Variants in GCAT observed in about 807,000 individuals in gnomAD.
GCAT encodes the protein glycine C-acetyltransferase, also known as 2-amino-3-ketobutyrate coenzyme A ligase, mitochondrial.
In GCAT, 26 loss-of-function variants were observed where a neutral mutation model predicts 39.7. That is an observed-to-expected ratio of 0.65 (90% CI 0.48 to 0.91). The LOEUF is 0.91. GCAT is among the 40% of genes least tolerant of loss of function. The pLI is 0.00. For synonymous variants in GCAT, 218 were observed against 237.2 expected (o/e 0.92, Z 0.74); for missense variants, 550 against 576.2 (o/e 0.95, Z 0.47).
intron 1 of GCAT, among the ~76,000 whole-genome samples, chr22:37,809,377 TC>T (rs771821594): frequency 8.5e-5 from 13 of 152,166 alleles, no homozygotes; most frequent in Non-Finnish European, 1.9e-4. Flanking sequence ...ACTGTGGAGT[TC>T]CAGGACTGCA....
intron 2 of GCAT, 99 bp from the exon 3 acceptor site, chr22:37,812,788 T>G: frequency 1.3e-6 from 1 of 789,850 alleles, no homozygotes; most frequent in Non-Finnish European, 2.2e-6. Context: ...CTGCAGGCTT[T>G]CTGGGTTGGG....
In GCAT at chr22:37,808,134, C is replaced by T. The variant is rs1488572290; in HGVS notation, c.167C>T (p.Pro56Leu). Residue 56 changes from proline (P) to leucine (L), a missense_variant, in exon 1 of 9, where the codon CCG (proline) becomes CTG (leucine). Pro to Leu is a moderately conservative substitution (Grantham distance 98). Coordinates refer to ENST00000248924, the MANE Select transcript of GCAT (RefSeq NM_014291.4). ...SERVITSRQG[P>L]HIRVDGVSGG... is the part of the protein sequence containing the mutation. ...CGGGTCATCACGTCCCGTCAGGGGCCGCACATCCGCGTGGACGGCGTCTCC... is the reference window on the plus strand; with the variant it reads ...CGGGTCATCACGTCCCGTCAGGGGCTGCACATCCGCGTGGACGGCGTCTCC... The T allele has an allele frequency of 3.3e-6, 5 of 1,534,398 alleles. No individual in the cohort carries two copies. The highest frequency in any genetic ancestry group is 5.3e-5 in the East Asian group (2 of 37,770).
chr22:37,808,612 G>C (rs1921233808), intron 1 of GCAT, among the ~76,000 whole-genome samples: 1 of 152,216 alleles, frequency 6.6e-6, no homozygotes, highest in African/African-American at 2.4e-5. Flanking sequence ...CTCATAGCAA[G>C]CAAGGGGTCC....
downstream of GCAT, chr22:37,816,909 G>T (rs1033322869): frequency 5.0e-6 from 3 of 603,784 alleles, no homozygotes; most frequent in Non-Finnish European, 8.7e-6. Flanking sequence ...ACTCTGGTCT[G>T]CTTTATTGTC....
At chr22:37,811,326 A>G (rs117331206) in intron 2 of GCAT, among the ~76,000 whole-genome samples, 5,711 of 151,692 alleles carry the variant, frequency 0.038, 158 homozygotes, top group Middle Eastern at 0.062. Flanking sequence ...CTACAAAAAT[A>G]TAAAAATTAG....
intron 2 of GCAT, among the ~76,000 whole-genome samples, chr22:37,812,021 T>C (rs994667971): frequency 2.0e-5 from 3 of 152,050 alleles, no homozygotes; most frequent in Admixed American, 2.0e-4. Context: ...TGTTGTGGGA[T>C]TTGAACCCTG....
chr22:37,810,512 A>AT (rs36110853), intron 2 of GCAT, among the ~76,000 whole-genome samples: 62,055 of 103,206 alleles, frequency 0.6, 19,259 homozygotes, highest in East Asian at 0.62. Flanking sequence ...CACCCAGCTA[A>AT]TTTTTTTTTT....
At chr22:37,815,591 A>ACTTT in intron 6 of GCAT, 72 bp from the exon 7 acceptor site, 1 of 1,485,718 alleles carries the variant, frequency 6.7e-7, no homozygotes, top group Non-Finnish European at 9.3e-7. Context: ...CATGGACTGT[A>ACTTT]CTTTCAGGAG....
chr22:37,814,935 T>A (rs1921988394), intron 4 of GCAT, among the ~76,000 whole-genome samples, 191 bp from the exon 5 acceptor site: 1 of 151,978 alleles, frequency 6.6e-6, no homozygotes, highest in Non-Finnish European at 1.5e-5. Context: ...GAGCTCAGGG[T>A]GGAGATGGGT....
At chr22:37,808,912 C>G (rs1290315774) in intron 1 of GCAT, among the ~76,000 whole-genome samples, 2 of 152,326 alleles carry the variant, frequency 1.3e-5, no homozygotes, top group Admixed American at 6.5e-5. Context: ...GTCTCGAACT[C>G]CTGACCTCAA....
chr22:37,816,428 G>A (rs1922207018), intron 8 of GCAT, 107 bp downstream of exon 8: 18 of 1,534,758 alleles, frequency 1.2e-5, no homozygotes, highest in Non-Finnish European at 1.6e-5. Flanking sequence ...CGGCCTCTTA[G>A]GCCAGCTGTC....
chr22:37,807,986 T>TGGCGC lies in GCAT; in HGVS notation c.21_25dup (p.Ala9GlyfsTer72). Reference sequence around the variant, plus strand: ...AGGAGCGATGTGGCCTGGGAACGCCTGGCGCGCCGCACTCTTCTGGGTGCC... The same window carrying TGGCGC: ...AGGAGCGATGTGGCCTGGGAACGCCTGGCGCGGCGCGCCGCACTCTTCTGGGTGCC... On this transcript the variant is annotated frameshift_variant, in exon 1 of 9. Transcript: ENST00000248924. LOFTEE classifies it high-confidence loss of function. The TGGCGC allele has an allele frequency of 6.5e-7, 1 of 1,537,356 alleles. No individual in the cohort carries two copies. Among genetic ancestry groups the TGGCGC allele is most frequent in the South Asian group, 1.2e-5 (1 of 83,638 alleles).
rs1290531709 is a variant in GCAT, at chr22:37,816,276, G to A, written c.1063G>A (p.Asp355Asn). The A allele has an allele frequency of 1.2e-6, 2 of 1,613,228 alleles. No individual in the cohort carries two copies. ...SHPICPVMLG[D>N]ARLASRMADD... ...CCCCATCTGCCCTGTGATGCTGGGT[G>A]ATGCCCGGCTGGCCTCTCGCATGGC... Residue 355 changes from aspartate to asparagine, a missense_variant, in exon 8 of 9, where the codon GAT becomes AAT. By Grantham distance (23) the Asp-to-Asn change is conservative. This residue lies in a region of GCAT where 378 missense variants were observed against 390.4 expected (regional missense o/e 0.97). Coordinates refer to ENST00000248924, the MANE Select transcript of GCAT (RefSeq NM_014291.4).
intron 2 of GCAT, among the ~76,000 whole-genome samples, chr22:37,811,437 C>T (rs1010868725): frequency 1.1e-4 from 15 of 140,180 alleles, no homozygotes; most frequent in African/African-American, 2.1e-4. Flanking sequence ...GCTGAGATCA[C>T]GCCACTGCAC....
chr22:37,813,613 G>A lies in GCAT; in HGVS notation c.576+4G>A. Reference sequence around the variant, plus strand: ...AGCCAAGCTGCAGGAGGCCCAGGTGGGGCGACGCCTGGGTCCACCCTCAGC... The same window carrying A: ...AGCCAAGCTGCAGGAGGCCCAGGTGAGGCGACGCCTGGGTCCACCCTCAGC... On this transcript the variant is annotated splice_donor_region_variant and intron_variant, in intron 4 of 8. Coordinates refer to ENST00000248924, the MANE Select transcript of GCAT (RefSeq NM_014291.4). The A allele has an allele frequency of 6.2e-7, 1 of 1,600,048 alleles. No individual in the cohort carries two copies. Among genetic ancestry groups the A allele is most frequent in the Non-Finnish European group, 8.5e-7 (1 of 1,174,048 alleles).
rs1922192470 is a variant in GCAT, at chr22:37,816,315, A to AAG, written c.1107_1108dup (p.Gly370GlufsTer81). On this transcript the variant is annotated frameshift_variant, in exon 8 of 9. Transcript: ENST00000248924. LOFTEE classifies it high-confidence loss of function. ...CTCTCGCATGGCGGATGACATGCTG[A>AAG]AGAGAGGTAAGGGTGCTGAGACAAG... The AAG allele has an allele frequency of 6.2e-7, 1 of 1,610,628 alleles. No individual in the cohort carries two copies. Among genetic ancestry groups the AAG allele is most frequent in the Non-Finnish European group, 8.5e-7 (1 of 1,179,946 alleles).
intron 1 of GCAT, 40 bp from the exon 2 acceptor site, chr22:37,809,987 C>T (rs373145451): frequency 6.2e-7 from 1 of 1,611,068 alleles, no homozygotes; most frequent in Non-Finnish European, 8.5e-7. Context: ...GCCCTTGCCC[C>T]ACCTGAGCTG....
Position 37,813,025 on chromosome 22 carries a change from G to T in GCAT, c.429+37G>T, listed in dbSNP as rs371040204. ...CTGTCCTGCGGGTGAGGGTTGGTGG[G>T]GCCTGTTAGGCTGAGGAAGGCTTGG... On this transcript the variant is annotated intron_variant, in intron 3 of 8. Coordinates refer to ENST00000248924, the MANE Select transcript of GCAT (RefSeq NM_014291.4). 139 of 1,401,942 alleles carry T rather than the reference G, an allele frequency of 9.9e-5. No homozygotes were observed. In the African/African-American group the frequency reaches 1.7e-3, roughly 17 times the overall value. 86.8% of individuals were successfully genotyped at this position (1,401,942 alleles called of 1,614,324 possible).
At chr22:37,816,014 G>T (rs1465292450) in intron 7 of GCAT, 180 bp downstream of exon 7, 1 of 437,794 alleles carries the variant, frequency 2.3e-6, no homozygotes, top group Non-Finnish European at 3.0e-6. Context: ...TATCCCTCCT[G>T]TCTTTCCACC....
Sources: allele counts gnomAD v4.1 joint callset (sites outside exome capture counted in the v4.1 genomes callset), GRCh38; gene constraint gnomAD v4.1.1; regional missense constraint gnomAD v4.1.1; transcripts MANE v1.5; gene names NCBI Gene and HGNC (gene_info 2026-07-23, HGNC 2026-07-21).